The following MARF1 variants were observed in gnomAD, a reference collection of about 807,000 sequenced individuals.
The protein encoded by MARF1 is meiosis regulator and mRNA stability factor 1, also known as limkain-b1.
MARF1 carries 24 observed loss-of-function variants against 168.2 expected under a neutral mutation model. The ratio of observed to expected loss-of-function variants is 0.14; its 90% CI spans 0.10 to 0.20. MARF1 has a LOEUF of 0.20. Ranked by LOEUF, MARF1 falls within the 10% of genes least tolerant of loss-of-function variation. The pLI is 1.00. For missense variants in MARF1, 1,744 were observed against 2,143.6 expected (o/e 0.81, Z 3.68); for synonymous variants, 868 against 822.4 (o/e 1.06, Z -0.95).
At position 15,604,733 on chromosome 16, in the gene MARF1, C is replaced by A. The variant is rs578061598; in HGVS notation, c.4183-335G>T. Among the ~76,000 whole-genome samples, 6 of 152,142 alleles carry A rather than the reference C, an allele frequency of 3.9e-5. No homozygotes were observed. The South Asian group carries it at 1.2e-3, about 32-fold the overall frequency. On this transcript the variant is annotated intron_variant, in intron 21 of 26. Transcript: ENST00000396368. ...GGACACAGACTGGCCAGCTGATGGC[C>A]AGTGGTCCAAGCTTGTGAAGTGTGG... is the stretch of plus-strand genomic sequence containing the variant.
At chr16:15,627,041 G>GAACA (rs1331909921) in intron 7 of MARF1, among the ~76,000 whole-genome samples, 3 of 150,374 alleles carry the variant, frequency 2.0e-5, no homozygotes, top group African/African-American at 4.9e-5. Flanking sequence ...GAGAGAGAAA[G>GAACA]AACGAACAAA....
At chr16:15,636,877 TTGC>T (rs1025480213) in intron 2 of MARF1, among the ~76,000 whole-genome samples, 1 of 152,296 alleles carries the variant, frequency 6.6e-6, no homozygotes, top group Non-Finnish European at 1.5e-5. Context: ...CCCATCCGTG[TTGC>T]TGATGACATT....
In MARF1 at chr16:15,617,189, C is replaced by A. The variant is rs1241615922; in HGVS notation, c.2958-18G>T. 1.2e-6 allele frequency: 2 copies of A among 1,613,180 alleles called. No homozygotes were observed. Among genetic ancestry groups the A allele is most frequent in the Non-Finnish European group, 1.7e-6 (2 of 1,179,584 alleles). On this transcript the variant is annotated intron_variant, in intron 14 of 26. Coordinates refer to ENST00000396368, the MANE Select transcript of MARF1 (RefSeq NM_014647.4). ...CATGTTCGCTGAAGAAAAGAGAACA[C>A]AATTGGAAGCTGACATTCCGCAGGG...
rs1442689868 is a variant in MARF1 at position 15,595,951 on chromosome 16, A to G, written c.*742T>C. 6.6e-6 allele frequency: 1 copy of G among 152,516 alleles called. No homozygotes were observed. The highest frequency in any genetic ancestry group is 1.5e-5 in the Non-Finnish European group (1 of 68,044). The allele number at this position is 152,516 out of a possible 1,614,324, so 9.4% of individuals were successfully genotyped here. ...CATCGAGACCATCTCCTTTTCCTTA[A>G]CCTAACCCATATCAAACTGGAACAC... On this transcript the variant is annotated 3_prime_UTR_variant, in exon 27 of 27. Transcript: ENST00000396368.
intron 6 of MARF1, among the ~76,000 whole-genome samples, chr16:15,631,135 T>C (rs1185314442): frequency 6.6e-6 from 1 of 151,388 alleles, no homozygotes; most frequent in Non-Finnish European, 1.5e-5. Flanking sequence ...CATCTCAAAA[T>C]AAATAAACAA....
intron 15 of MARF1, 119 bp downstream of exon 15, chr16:15,616,932 CA>C: frequency 7.2e-7 from 1 of 1,384,966 alleles, no homozygotes; most frequent in Non-Finnish European, 9.8e-7. Flanking sequence ...GAAGGCTAAA[CA>C]CATGAGGATG....
chr16:15,610,073 G>T (rs1246846031), intron 19 of MARF1, among the ~76,000 whole-genome samples: 1 of 152,126 alleles, frequency 6.6e-6, no homozygotes, highest in African/African-American at 2.4e-5. Flanking sequence ...ACTTAAGCAA[G>T]TACTCTAGAA....
chr16:15,599,713 A>G (rs1255355042), intron 25 of MARF1, among the ~76,000 whole-genome samples: 1 of 152,194 alleles, frequency 6.6e-6, no homozygotes, highest in Non-Finnish European at 1.5e-5. Context: ...TCTACTACAG[A>G]GGTGGATCTA....
At position 15,615,967 on chromosome 16, in the gene MARF1, T is replaced by G; in HGVS notation, c.3116A>C (p.Glu1039Ala). The stretch of plus-strand genomic sequence containing the variant: ...ACCTCCTTGGTTTTCTTGCACTACT[T>G]CTAGATCGCCAAACTCTGCAATGTA... ...DCYIAEFGDL[E>A]VVQENQGGVP... The change falls in exon 16 of 27, where the codon GAA becomes GCA. Residue 1039 changes from glutamate to alanine, a missense_variant. Coordinates refer to ENST00000396368, the MANE Select transcript of MARF1 (RefSeq NM_014647.4). 3 of 1,562,608 alleles carry G rather than the reference T, an allele frequency of 1.9e-6. No homozygotes were observed. The highest frequency in any genetic ancestry group is 1.4e-5 in the African/African-American group (1 of 72,918).
chr16:15,597,066 C>T (rs756016265), intron 26 of MARF1, 129 bp from the exon 27 acceptor site: 3 of 1,044,528 alleles, frequency 2.9e-6, no homozygotes, highest in Non-Finnish European at 4.0e-6. Context: ...TACATCTATG[C>T]CACAGTTTAC....
In MARF1 at chr16:15,615,843, C is replaced by T. The variant is rs762792370; in HGVS notation, c.3240G>A (p.Pro1080=). ...KVVKWIHNKP[P]PPNTDPWLLR... ...CCTGACACCTACCAGTGTTGGGAGG[C>T]GGGGGCTTGTTGTGAATCCATTTAA... The change falls in exon 16 of 27, where the codon CCG becomes CCA. Residue 1080 remains proline, a synonymous_variant. Transcript: ENST00000396368. 29 of 1,563,894 alleles carry T rather than the reference C, an allele frequency of 1.9e-5. No homozygotes were observed. In the South Asian group the frequency reaches 2.0e-4, roughly 11 times the overall value.
chr16:15,615,722 G>T, intron 16 of MARF1, 108 bp downstream of exon 16: 1 of 790,144 alleles, frequency 1.3e-6, no homozygotes, highest in Non-Finnish European at 1.8e-6. Context: ...CATCCATGGT[G>T]TTTTCACACT....
intron 1 of MARF1, among the ~76,000 whole-genome samples, chr16:15,640,612 C>T (rs2035887504): frequency 2.0e-5 from 3 of 152,214 alleles, no homozygotes; most frequent in African/African-American, 7.2e-5. Flanking sequence ...GGAAGAATCA[C>T]CTAAGACTGC....
At chr16:15,602,826 G>C (rs752790415) in intron 22 of MARF1, 1 of 313,030 alleles carries the variant, frequency 3.2e-6, no homozygotes, top group South Asian at 2.6e-5. Flanking sequence ...TGAACACTGG[G>C]GCCATTAAAC....
chr16:15,607,923 C>G (rs146270658), intron 21 of MARF1, among the ~76,000 whole-genome samples: 2,638 of 152,262 alleles, frequency 0.017, 66 homozygotes, highest in Admixed American at 0.06. Flanking sequence ...ATTACGGGCT[C>G]CCAAGAACGT....
At chr16:15,614,355 C>T (rs1309190522) in intron 16 of MARF1, among the ~76,000 whole-genome samples, 3 of 149,470 alleles carry the variant, frequency 2.0e-5, no homozygotes, top group Non-Finnish European at 3.0e-5. Context: ...TGGTGGCAGG[C>T]GTCTGTAGTC....
At chr16:15,600,380 T>C (rs1474511707) in intron 25 of MARF1, 48 bp downstream of exon 25, 4 of 1,610,306 alleles carry the variant, frequency 2.5e-6, no homozygotes, top group Non-Finnish European at 3.4e-6. Context: ...CAAAGCCGTT[T>C]CTCCTAGAAT....
At chr16:15,637,879 A>C (rs2035698486) in intron 2 of MARF1, among the ~76,000 whole-genome samples, 1 of 152,238 alleles carries the variant, frequency 6.6e-6, no homozygotes, top group South Asian at 2.1e-4. Context: ...AAAAGTTATT[A>C]ATACCCGGCC....
Position 15,608,297 on chromosome 16 carries a change from G to T in MARF1, c.4176C>A (p.Val1392=). ...AAAAAAAAAAAACATTTACCTTCACGACATGGCAGAGTTTCTGAGTTAAAG... is the reference window on the plus strand; with the variant it reads ...AAAAAAAAAAAACATTTACCTTCACTACATGGCAGAGTTTCTGAGTTAAAG... ...ISALTQKLCH[V]VKVADIESGR... Residue 1392 remains valine (V), a synonymous_variant, in exon 21 of 27, where the codon GTC becomes GTA. Coordinates refer to ENST00000396368, the MANE Select transcript of MARF1 (RefSeq NM_014647.4). 3.8e-6 allele frequency: 4 copies of T among 1,055,170 alleles called. No homozygotes were observed. The highest frequency in any genetic ancestry group is 5.7e-6 in the Non-Finnish European group (4 of 697,246). The allele number at this position is 1,055,170 out of a possible 1,614,324, so 65.4% of individuals were successfully genotyped here. A position where few individuals can be genotyped will look rare whatever the true frequency, so the allele number is the denominator to read the frequency against.
Sources: allele counts gnomAD v4.1 joint callset (sites outside exome capture counted in the v4.1 genomes callset), GRCh38; gene constraint gnomAD v4.1.1; transcripts MANE v1.5; gene names NCBI Gene and HGNC (gene_info 2026-07-23, HGNC 2026-07-21).